SCUBE1: variants seen among roughly 807,000 people sequenced by gnomAD.
The protein encoded by SCUBE1 is signal peptide, CUB domain and EGF like domain containing 1, also known as signal peptide, CUB and EGF-like domain-containing protein 1.
A neutral mutation model predicts 124.4 loss-of-function variants in SCUBE1; 59 were observed. The ratio of observed to expected loss-of-function variants is 0.47; its 90% CI spans 0.38 to 0.59. The LOEUF (loss-of-function observed/expected upper bound fraction) is 0.59, where lower values mean the gene tolerates loss of function less well. SCUBE1 is among the 20% of genes least tolerant of loss of function. The pLI is 0.00. For synonymous variants in SCUBE1, 545 were observed against 550.9 expected, an observed-to-expected ratio of 0.99 and a Z score of 0.15; for missense variants, 1,150 against 1,371.2, an observed-to-expected ratio of 0.84 and a Z score of 2.55.
intron 15 of SCUBE1, among the ~76,000 whole-genome samples, chr22:43,214,474 TCA>T (rs1169822035): frequency 6.6e-6 from 1 of 152,188 alleles, no homozygotes; most frequent in African/African-American, 2.4e-5. Flanking sequence ...CTGCTGCACC[TCA>T]GAGTCCTCTG....
At chr22:43,308,657 C>T (rs1926062348) in intron 3 of SCUBE1, among the ~76,000 whole-genome samples, 1 of 152,242 alleles carries the variant, frequency 6.6e-6, no homozygotes, top group Non-Finnish European at 1.5e-5. Context: ...GGAGGGAGAG[C>T]TGGAGCGCGG....
At chr22:43,289,173 A>G (rs1925260987) in intron 4 of SCUBE1, among the ~76,000 whole-genome samples, 1 of 152,226 alleles carries the variant, frequency 6.6e-6, no homozygotes, top group Non-Finnish European at 1.5e-5. Flanking sequence ...GCCTGCTCAG[A>G]GCAGTCACTC....
In SCUBE1 at chr22:43,223,128, A is replaced by G; in HGVS notation, c.1296T>C (p.Leu432=). The G allele has an allele frequency of 6.4e-7, 1 of 1,556,208 alleles. No homozygotes were observed. Among genetic ancestry groups the G allele is most frequent in the Admixed American group, 2.2e-5 (1 of 44,558 alleles). Residue 432 remains leucine (L), a synonymous_variant, in exon 11 of 22, where the codon CTT becomes CTC. Coordinates refer to ENST00000360835, the MANE Select transcript of SCUBE1 (RefSeq NM_173050.5). ...SKAGGVESCF[L]SCPAHTLFVP... ...CGAAGAGTGTGTGAGCCGGGCAGGA[A>G]AGGAAGCAGCTCTCCACACCGCCTG...
intron 4 of SCUBE1, among the ~76,000 whole-genome samples, chr22:43,273,871 C>T (rs1924392075): frequency 6.6e-6 from 1 of 152,126 alleles, no homozygotes; most frequent in Admixed American, 6.5e-5. Context: ...CCACGCGCAG[C>T]TTAAAACTTT....
intron 4 of SCUBE1, among the ~76,000 whole-genome samples, chr22:43,276,273 G>A (rs1924513110): frequency 6.6e-6 from 1 of 152,230 alleles, no homozygotes; most frequent in Admixed American, 6.5e-5. Context: ...GACTCAAGAA[G>A]CTTAGGGGAG....
chr22:43,299,069 A>T, intron 3 of SCUBE1, among the ~76,000 whole-genome samples: 1 of 152,044 alleles, frequency 6.6e-6, no homozygotes, highest in East Asian at 1.9e-4. Flanking sequence ...AAAAAAAGAA[A>T]AAAGATTCAG....
chr22:43,277,411 C>T (rs1924573786), intron 4 of SCUBE1, among the ~76,000 whole-genome samples: 1 of 152,156 alleles, frequency 6.6e-6, no homozygotes, highest in Non-Finnish European at 1.5e-5. Context: ...GCAGCTGCCG[C>T]ACTAACTCAG....
At chr22:43,342,859 G>T (rs866369220) in intron 1 of SCUBE1, among the ~76,000 whole-genome samples, 2 of 150,172 alleles carry the variant, frequency 1.3e-5, no homozygotes, top group East Asian at 4.1e-4. Context: ...TCGGGGTCCC[G>T]CCCCGCCCAG....
intron 4 of SCUBE1, among the ~76,000 whole-genome samples, chr22:43,281,518 A>ATCCTCCTGTCACCTCCCTCTTTGGCCC: frequency 3.9e-5 from 2 of 50,848 alleles, no homozygotes; most frequent in Non-Finnish European, 7.2e-5. Flanking sequence ...CTCCTCAGCC[A>ATCCTCCTGTCACCTCCCTCTTTGGCCC]CCCTCCTGTC....
At chr22:43,334,138 G>A (rs1247724716) in intron 2 of SCUBE1, among the ~76,000 whole-genome samples, 1 of 152,194 alleles carries the variant, frequency 6.6e-6, no homozygotes, top group Non-Finnish European at 1.5e-5. Flanking sequence ...AACCCAGGGA[G>A]GGAAAGCAAG....
At chr22:43,339,874 CA>C (rs1481765512) in intron 1 of SCUBE1, among the ~76,000 whole-genome samples, 13 of 114,896 alleles carry the variant, frequency 1.1e-4, no homozygotes, top group African/African-American at 4.7e-4. Context: ...ACTATCCCCC[CA>C]CAAGCATCAC....
chr22:43,251,323 C>T (rs918793311), intron 6 of SCUBE1, among the ~76,000 whole-genome samples: 3 of 152,150 alleles, frequency 2.0e-5, no homozygotes, highest in East Asian at 1.9e-4. Flanking sequence ...GTGGGCTCTG[C>T]CCTAACGGAG....
At chr22:43,327,296 T>A (rs924840214) in intron 2 of SCUBE1, among the ~76,000 whole-genome samples, 1 of 152,160 alleles carries the variant, frequency 6.6e-6, no homozygotes, top group Admixed American at 6.5e-5. Flanking sequence ...GCCAGGCAGC[T>A]TGACTTCAGA....
chr22:43,305,056 C>T (rs192146599), intron 3 of SCUBE1, among the ~76,000 whole-genome samples: 11 of 152,190 alleles, frequency 7.2e-5, no homozygotes, highest in Non-Finnish European at 1.6e-4. Context: ...TAATCACCCC[C>T]ACTGCCCGCA....
At chr22:43,316,951 C>T (rs1462052788) in intron 3 of SCUBE1, 3 of 152,174 alleles carry the variant, frequency 2.0e-5, no homozygotes, top group Admixed American at 6.5e-5. Flanking sequence ...GCTAACACCC[C>T]ATTAAGAGGG....
At chr22:43,242,936 ACTTACATTGC>A (rs1190757323) in intron 6 of SCUBE1, among the ~76,000 whole-genome samples, 2 of 152,248 alleles carry the variant, frequency 1.3e-5, no homozygotes, top group African/African-American at 4.8e-5. Flanking sequence ...GGCATGGAGA[ACTTACATTGC>A]CTGTCCAGGC....
chr22:43,240,007 G>A (rs1012286331), intron 6 of SCUBE1, among the ~76,000 whole-genome samples: 2 of 152,172 alleles, frequency 1.3e-5, no homozygotes, highest in Admixed American at 6.5e-5. Flanking sequence ...TCAGCTGTCG[G>A]GACTCCCTGG....
At chr22:43,304,045 T>C (rs1475706347) in intron 3 of SCUBE1, among the ~76,000 whole-genome samples, 2 of 152,210 alleles carry the variant, frequency 1.3e-5, no homozygotes, top group Non-Finnish European at 2.9e-5. Context: ...AGGACGCAGC[T>C]GGGCAGCTAC....
chr22:43,291,609 G>A (rs1475534831), intron 3 of SCUBE1, among the ~76,000 whole-genome samples: 2 of 151,952 alleles, frequency 1.3e-5, no homozygotes, highest in Admixed American at 6.6e-5. Context: ...CTCCCATGGC[G>A]CTGCGCTACA....
Sources: gnomAD v4.1 joint callset for allele counts (sites outside exome capture counted in the v4.1 genomes callset) on GRCh38, gnomAD v4.1.1 for gene constraint, MANE v1.5 for transcripts, NCBI Gene and HGNC (gene_info 2026-07-23, HGNC 2026-07-21) for gene names.